Variants in MCTP2 observed in about 807,000 individuals in gnomAD.
The protein encoded by MCTP2 is multiple C2 and transmembrane domain-containing protein 2.
A neutral mutation model predicts 111.6 loss-of-function variants in MCTP2; 132 were observed. That is an observed-to-expected ratio of 1.18 (90% CI 1.03 to 1.37). The LOEUF (loss-of-function observed/expected upper bound fraction) is 1.37, where lower values mean the gene tolerates loss of function less well. MCTP2 is among the 40% of genes most tolerant of loss of function. The pLI is 0.00. For missense variants in MCTP2, 1,183 were observed against 1,067.9 expected, an observed-to-expected ratio of 1.11 and a Z score of -1.50; for synonymous variants, 395 against 387.7, an observed-to-expected ratio of 1.02 and a Z score of -0.22.
At chr15:94,306,615 A>T (rs1445230187) in intron 2 of MCTP2, among the ~76,000 whole-genome samples, 1 of 152,222 alleles carries the variant, frequency 6.6e-6, no homozygotes, top group Admixed American at 6.5e-5. Context: ...AAGGATAATT[A>T]TCAAGATTGA....
At position 94,341,061 on chromosome 15, in the gene MCTP2, T is replaced by A. The variant is rs565250740; in HGVS notation, c.969+137T>A. On this transcript the variant is annotated intron_variant, in intron 7 of 22. Transcript: ENST00000357742. ...AGGGGGGGTGCAACATTTTATGGAG[T>A]CTTAAAATATCTGTTTTTTAATACA... 625 of 605,724 alleles carry A rather than the reference T, an allele frequency of 1.0e-3. 12 individuals are homozygous for A. In the South Asian group the frequency reaches 0.013, roughly 12 times the overall value. The allele number at this position is 605,724 out of a possible 1,614,324, so 37.5% of individuals were successfully genotyped here. A position where few individuals can be genotyped will look rare whatever the true frequency, so the allele number is the denominator to read the frequency against.
chr15:94,328,911 G>T (rs1387090488), intron 4 of MCTP2, among the ~76,000 whole-genome samples: 1 of 152,168 alleles, frequency 6.6e-6, no homozygotes, highest in Non-Finnish European at 1.5e-5. Context: ...TTGTGTGTGT[G>T]GAATCAGGTG....
chr15:94,396,514 T>C (rs2081288963), intron 14 of MCTP2, among the ~76,000 whole-genome samples: 2 of 152,122 alleles, frequency 1.3e-5, no homozygotes, highest in African/African-American at 4.8e-5. Flanking sequence ...GTTTGGCAAG[T>C]TGGATGATAC....
At chr15:94,246,454 C>T (rs1002566739) in intron 1 of MCTP2, among the ~76,000 whole-genome samples, 5 of 152,160 alleles carry the variant, frequency 3.3e-5, no homozygotes, top group Non-Finnish European at 7.3e-5. Context: ...ACCATAGCCT[C>T]CCCTTAAGGA....
chr15:94,300,235 C>A (rs139210006), intron 2 of MCTP2, among the ~76,000 whole-genome samples: 1 of 152,002 alleles, frequency 6.6e-6, no homozygotes, highest in Non-Finnish European at 1.5e-5. Context: ...TGGCCGGGCA[C>A]GGTGGCTCAT....
In MCTP2 at chr15:94,399,045, G is replaced by A. The variant is rs1406102565; in HGVS notation, c.1873G>A (p.Asp625Asn). 4 of 1,503,350 alleles carry A rather than the reference G, an allele frequency of 2.7e-6. No individual in the cohort carries two copies. In the African/African-American group the frequency reaches 5.5e-5, roughly 21 times the overall value. The allele number at this position is 1,503,350 out of a possible 1,614,324, so 93.1% of individuals were successfully genotyped here. ...AFKGVIYLEM[D>N]LIYNPVKASI... ...TAAAGGAGTTATTTACTTAGAGATG[G>A]ACCTTATATATAATCCGGTAAGTCT... Residue 625 changes from aspartate (D) to asparagine (N), a missense_variant, in exon 15 of 23, where the codon GAC becomes AAC. Coordinates refer to ENST00000357742, the MANE Select transcript of MCTP2 (RefSeq NM_001385001.1).
At chr15:94,402,583 C>CGCTGCAA (rs961369741) in intron 17 of MCTP2, 1 of 1,551,268 alleles carries the variant, frequency 6.4e-7, no homozygotes, top group African/African-American at 1.4e-5. Flanking sequence ...AGAATCAAAG[C>CGCTGCAA]GCTGCAAGAG....
At chr15:94,385,319 C>T in intron 13 of MCTP2, 104 bp from the exon 14 acceptor site, 1 of 756,738 alleles carries the variant, frequency 1.3e-6, no homozygotes, top group Non-Finnish European at 2.3e-6. Flanking sequence ...GGTTTATACT[C>T]TAAGGACATA....
chr15:94,403,307 C>CA, intron 17 of MCTP2: 1 of 939,204 alleles, frequency 1.1e-6, no homozygotes, highest in Non-Finnish European at 1.3e-6. Flanking sequence ...TTCCCTTTCT[C>CA]ACGTTCTCCT....
intron 17 of MCTP2, among the ~76,000 whole-genome samples, chr15:94,404,328 G>A (rs1391720796): frequency 1.4e-5 from 2 of 139,714 alleles, no homozygotes; most frequent in Non-Finnish European, 3.0e-5. Flanking sequence ...TTGTGACAGA[G>A]TCTGACTCTG....
intron 1 of MCTP2, among the ~76,000 whole-genome samples, chr15:94,289,708 A>T (rs2074945396): frequency 6.6e-6 from 1 of 152,202 alleles, no homozygotes; most frequent in South Asian, 2.1e-4. Context: ...CAACTTATGT[A>T]TTATTATATT....
chr15:94,453,981 ATTAAT>A (rs1321109675), intron 19 of MCTP2, among the ~76,000 whole-genome samples: 3 of 152,194 alleles, frequency 2.0e-5, no homozygotes, highest in Non-Finnish European at 4.4e-5. Context: ...TTTCTTCCAC[ATTAAT>A]TTATATCATT....
At chr15:94,441,968 G>A (rs1273845548) in intron 18 of MCTP2, among the ~76,000 whole-genome samples, 2 of 152,188 alleles carry the variant, frequency 1.3e-5, no homozygotes, top group African/African-American at 2.4e-5. Context: ...TACCGGCCCT[G>A]AAGAAATTTC....
chr15:94,234,840 TAGGCTTG>T (rs2070431881), intron 1 of MCTP2, among the ~76,000 whole-genome samples: 1 of 152,196 alleles, frequency 6.6e-6, no homozygotes. Flanking sequence ...TGCTTTGTTA[TAGGCTTG>T]CATAGAGATG....
chr15:94,467,518 C>T lies in MCTP2; in HGVS notation c.2361-2815C>T, dbSNP rs144589662. 5.3e-3 allele frequency among the ~76,000 whole-genome samples: 809 copies of T among 151,968 alleles called. 4 individuals are homozygous for T. Among genetic ancestry groups the T allele is most frequent in the African/African-American group, 0.018 (737 of 41,438 alleles). On this transcript the variant is annotated intron_variant, in intron 20 of 22. Transcript: ENST00000357742. ...TTTTTACTGTATGTAGCTTTGAGCC[C>T]GCGGGTTGGGGTTGGGGGTTGTGTG...
chr15:94,238,949 ACCACG>A (rs981954265), intron 1 of MCTP2, among the ~76,000 whole-genome samples: 1 of 151,674 alleles, frequency 6.6e-6, no homozygotes, highest in Non-Finnish European at 1.5e-5. Flanking sequence ...TATCTGTGTG[ACCACG>A]CCCATGTTCT....
chr15:94,461,882 C>T (rs2085234786), intron 20 of MCTP2, among the ~76,000 whole-genome samples: 1 of 152,064 alleles, frequency 6.6e-6, no homozygotes, highest in African/African-American at 2.4e-5. Flanking sequence ...GAATGAGAGA[C>T]AGATGCATTT....
At chr15:94,411,115 A>G (rs2082133030) in intron 17 of MCTP2, among the ~76,000 whole-genome samples, 1 of 152,128 alleles carries the variant, frequency 6.6e-6, no homozygotes, top group Non-Finnish European at 1.5e-5. Context: ...TTGTTTCTGT[A>G]TGTGACACCT....
At chr15:94,404,809 G>C (rs945809125) in intron 17 of MCTP2, among the ~76,000 whole-genome samples, 1 of 152,078 alleles carries the variant, frequency 6.6e-6, no homozygotes, top group Non-Finnish European at 1.5e-5. Flanking sequence ...TTCATGATGG[G>C]TTGTCTTTCT....
Sources: gnomAD v4.1 joint callset for allele counts (sites outside exome capture counted in the v4.1 genomes callset) on GRCh38, gnomAD v4.1.1 for gene constraint, MANE v1.5 for transcripts, NCBI Gene and HGNC (gene_info 2026-07-23, HGNC 2026-07-21) for gene names.